MMAA: variants seen among roughly 807,000 people sequenced by gnomAD.
MMAA encodes methylmalonic aciduria type A protein, mitochondrial.
A neutral mutation model predicts 45.0 loss-of-function variants in MMAA; 41 were observed. The ratio of observed to expected loss-of-function variants is 0.91; its 90% CI spans 0.71 to 1.18. The LOEUF is 1.18. MMAA is among the 50% of genes most tolerant of loss of function. The pLI is 0.00. For synonymous variants in MMAA, 154 were observed against 178.2 expected, an observed-to-expected ratio of 0.86 and a Z score of 1.08; for missense variants, 460 against 495.7, an observed-to-expected ratio of 0.93 and a Z score of 0.68.
chr4:145,622,892 T>A lies in MMAA; in HGVS notation c.-66+3485T>A, dbSNP rs538884526. On this transcript the variant is annotated intron_variant, in intron 1 of 6. Coordinates refer to ENST00000649156, the MANE Select transcript of MMAA (RefSeq NM_172250.3). ...TCAGCTGTGGTTCAGAGAACTCTAGTGAAGCTGTATGGCAATGACACTGTG... is the reference window on the plus strand; with the variant it reads ...TCAGCTGTGGTTCAGAGAACTCTAGAGAAGCTGTATGGCAATGACACTGTG... 7.2e-5 allele frequency among the ~76,000 whole-genome samples: 11 copies of A among 152,290 alleles called. 1 individual carries two copies. The highest frequency in any genetic ancestry group is 2.4e-4 in the African/African-American group (10 of 41,558).
intron 1 of MMAA, 124 bp downstream of exon 1, chr4:145,619,531 A>T (rs1323057633): frequency 6.6e-6 from 1 of 152,218 alleles, no homozygotes; most frequent in Non-Finnish European, 1.5e-5. Flanking sequence ...GGGTGGGGGA[A>T]GGAAAAGGAG....
At position 145,639,575 on chromosome 4, in the gene MMAA, G is replaced by A. The variant is rs530814186; in HGVS notation, c.436G>A (p.Val146Ile). ...TAAAGGAAAACCACTAGCATTTCGAGTAGGTCAGTCTTTTTTGTGTGTTTT... is the reference window on the plus strand; with the variant it reads ...TAAAGGAAAACCACTAGCATTTCGAATAGGTCAGTCTTTTTTGTGTGTTTT... ...SNKGKPLAFR[V>I]GLSGPPGAGK... The change falls in exon 2 of 7, where the codon GTA becomes ATA. Residue 146 changes from valine to isoleucine, a missense_variant. Val to Ile is a conservative substitution (Grantham distance 29). Coordinates refer to ENST00000649156, the MANE Select transcript of MMAA (RefSeq NM_172250.3). 1 of 1,608,224 alleles carries A rather than the reference G, an allele frequency of 6.2e-7. No individual in the cohort carries two copies. Among genetic ancestry groups the A allele is most frequent in the South Asian group, 1.1e-5 (1 of 90,078 alleles).
At chr4:145,652,625 G>A (rs544948697) in intron 5 of MMAA, among the ~76,000 whole-genome samples, 1 of 152,126 alleles carries the variant, frequency 6.6e-6, no homozygotes, top group South Asian at 2.1e-4. Context: ...AGCTACTTGG[G>A]AGGCTGAGGC....
intron 1 of MMAA, among the ~76,000 whole-genome samples, chr4:145,638,588 A>G (rs1727689729): frequency 6.6e-6 from 1 of 152,246 alleles, no homozygotes; most frequent in African/African-American, 2.4e-5. Flanking sequence ...AGTCTACTGA[A>G]TACAAACATG....
chr4:145,632,588 A>G (rs972920977), intron 1 of MMAA, among the ~76,000 whole-genome samples: 1 of 152,046 alleles, frequency 6.6e-6, no homozygotes, highest in Non-Finnish European at 1.5e-5. Flanking sequence ...TAAACATTTT[A>G]CCCATCTCTT....
intron 3 of MMAA, chr4:145,642,775 C>A (rs1179148805): frequency 2.5e-6 from 1 of 400,710 alleles, no homozygotes; most frequent in African/African-American, 2.1e-5. Flanking sequence ...AGCTTCCATG[C>A]ATAAGGCCAG....
intron 1 of MMAA, chr4:145,624,204 T>G: frequency 1.2e-6 from 1 of 846,740 alleles, no homozygotes; most frequent in Non-Finnish European, 2.1e-6. Context: ...TTTTATCAAC[T>G]TTAAGCTGCA....
Position 145,651,767 on chromosome 4 carries a change from T to A in MMAA, c.819+620T>A, listed in dbSNP as rs184749034. On this transcript the variant is annotated intron_variant, in intron 5 of 6. Coordinates refer to ENST00000649156, the MANE Select transcript of MMAA (RefSeq NM_172250.3). The stretch of plus-strand genomic sequence containing the variant: ...TTTTTGGCATCAGGAACTGGTTTCA[T>A]GGAAGACAGTTTTCCACAGACTGGG... Among the ~76,000 whole-genome samples, 8 of 152,322 alleles carry A rather than the reference T, an allele frequency of 5.3e-5. No homozygotes were observed. In the East Asian group the frequency reaches 1.5e-3, roughly 29 times the overall value.
chr4:145,651,029 A>G, intron 4 of MMAA, 33 bp from the exon 5 acceptor site: 1 of 1,582,136 alleles, frequency 6.3e-7, no homozygotes, highest in Non-Finnish European at 8.7e-7. Flanking sequence ...AATGGTGAGT[A>G]TTTTAGGATA....
At chr4:145,621,784 T>TA (rs1222330374) in intron 1 of MMAA, among the ~76,000 whole-genome samples, 3 of 152,206 alleles carry the variant, frequency 2.0e-5, no homozygotes, top group Admixed American at 6.5e-5. Flanking sequence ...CCAGAGTAGT[T>TA]ATTGAAATTG....
Position 145,655,678 on chromosome 4 carries a change from G to A in MMAA, c.*244G>A. 1 of 392,134 alleles carries A rather than the reference G, an allele frequency of 2.6e-6. No individual in the cohort carries two copies. The allele number at this position is 392,134 out of a possible 1,614,324, so 24.3% of individuals were successfully genotyped here. A position where few individuals can be genotyped will look rare whatever the true frequency, so the allele number is the denominator to read the frequency against. The stretch of plus-strand genomic sequence containing the variant: ...TCTCTTCTTATACCCTGGCATGGTG[G>A]CCTGTAGGGTAGTTTCTTCTTAATA... On this transcript the variant is annotated 3_prime_UTR_variant, in exon 7 of 7. Transcript: ENST00000649156.
intron 2 of MMAA, among the ~76,000 whole-genome samples, chr4:145,640,408 C>T (rs891829596): frequency 3.3e-5 from 5 of 151,824 alleles, no homozygotes; most frequent in Admixed American, 6.6e-5. Context: ...CTACTGTGCT[C>T]AGCTATTTTT....
At chr4:145,642,594 C>A in intron 3 of MMAA, 109 bp downstream of exon 3, 2 of 1,473,810 alleles carry the variant, frequency 1.4e-6, no homozygotes, top group Non-Finnish European at 1.9e-6. Context: ...TAAGTTTGGT[C>A]TCGCTAAAGG....
At chr4:145,629,849 C>T (rs1321979225) in intron 1 of MMAA, among the ~76,000 whole-genome samples, 1 of 152,012 alleles carries the variant, frequency 6.6e-6, no homozygotes, top group Non-Finnish European at 1.5e-5. Flanking sequence ...CAGGAAAGAC[C>T]CACCCCCATA....
intron 1 of MMAA, among the ~76,000 whole-genome samples, chr4:145,637,196 C>A (rs1322774982): frequency 2.6e-5 from 4 of 152,122 alleles, no homozygotes; most frequent in Non-Finnish European, 5.9e-5. Context: ...AAATACAGTT[C>A]TTGCCTGTGG....
At chr4:145,649,249 G>A (rs912186856) in intron 4 of MMAA, among the ~76,000 whole-genome samples, 5 of 152,084 alleles carry the variant, frequency 3.3e-5, no homozygotes, top group African/African-American at 4.8e-5. Flanking sequence ...AGTGAGCCAC[G>A]ATCGTGCCAT....
intron 1 of MMAA, among the ~76,000 whole-genome samples, chr4:145,626,397 T>C (rs564334425): frequency 1.3e-5 from 2 of 152,342 alleles, no homozygotes; most frequent in African/African-American, 4.8e-5. Context: ...AAATATGTTA[T>C]GAACTTAGTT....
chr4:145,636,159 C>T (rs1304561848), intron 1 of MMAA, among the ~76,000 whole-genome samples: 1 of 152,192 alleles, frequency 6.6e-6, no homozygotes, highest in Non-Finnish European at 1.5e-5. Flanking sequence ...AGATCAGCAG[C>T]AGCTCTTTTT....
At chr4:145,630,169 A>G (rs1045923091) in intron 1 of MMAA, among the ~76,000 whole-genome samples, 1 of 152,204 alleles carries the variant, frequency 6.6e-6, no homozygotes, top group Non-Finnish European at 1.5e-5. Flanking sequence ...TACAGCTTCA[A>G]TTTCATTACT....
Sources: allele counts gnomAD v4.1 joint callset (sites outside exome capture counted in the v4.1 genomes callset), GRCh38; gene constraint gnomAD v4.1.1; transcripts MANE v1.5; gene names NCBI Gene and HGNC (gene_info 2026-07-23, HGNC 2026-07-21).